The following TNKS variants were observed in gnomAD, a reference collection of about 807,000 sequenced individuals.
The protein encoded by TNKS is poly [ADP-ribose] polymerase tankyrase-1.
TNKS carries 72 observed loss-of-function variants against 135.8 expected under a neutral mutation model. The ratio of observed to expected loss-of-function variants is 0.53; its 90% CI spans 0.44 to 0.64. The LOEUF is 0.64. TNKS is among the 30% of genes least tolerant of loss of function. The pLI, the probability that TNKS is intolerant of heterozygous loss-of-function variation, is 0.00. For synonymous variants in TNKS, 849 were observed against 649.3 expected (o/e 1.31, Z -4.68); for missense variants, 1,769 against 1,674.0 (o/e 1.06, Z -0.99).
chr8:9,651,490 A>G (rs1482322726), intron 3 of TNKS, among the ~76,000 whole-genome samples: 1 of 152,152 alleles, frequency 6.6e-6, no homozygotes, highest in Non-Finnish European at 1.5e-5. Context: ...CTTTGAGAGA[A>G]TTTAGAGGAG....
chr8:9,629,805 C>T (rs1800215005), intron 3 of TNKS, among the ~76,000 whole-genome samples: 1 of 152,218 alleles, frequency 6.6e-6, no homozygotes, highest in South Asian at 2.1e-4. Flanking sequence ...GCCTCAGCCT[C>T]CTGAGTAGCT....
intron 6 of TNKS, among the ~76,000 whole-genome samples, chr8:9,705,485 A>T (rs899407875): frequency 2.0e-5 from 3 of 152,184 alleles, no homozygotes; most frequent in Admixed American, 2.0e-4. Flanking sequence ...AGTTTCTTTC[A>T]CTTTGTCCCT....
At chr8:9,692,769 C>G (rs1310050272) in intron 5 of TNKS, among the ~76,000 whole-genome samples, 7 of 152,148 alleles carry the variant, frequency 4.6e-5, no homozygotes, top group Non-Finnish European at 8.8e-5. Context: ...CAAGGTTTCT[C>G]TTTTAAATTA....
intron 2 of TNKS, among the ~76,000 whole-genome samples, chr8:9,583,829 TA>T (rs1037854388): frequency 3.9e-5 from 6 of 151,946 alleles, no homozygotes; most frequent in African/African-American, 9.7e-5. Flanking sequence ...AATTTCATTT[TA>T]AAAGCAAATT....
intron 17 of TNKS, among the ~76,000 whole-genome samples, chr8:9,736,426 G>C (rs987907651): frequency 1.3e-5 from 2 of 151,774 alleles, no homozygotes; most frequent in African/African-American, 4.8e-5. Context: ...GGAATTACTA[G>C]CTAAAACCTC....
chr8:9,590,115 G>A (rs1254217986), intron 2 of TNKS, among the ~76,000 whole-genome samples: 2 of 152,206 alleles, frequency 1.3e-5, no homozygotes. Context: ...CAGTATGTGC[G>A]TGTTTAAAAA....
chr8:9,602,058 A>G (rs1197087972), intron 2 of TNKS, among the ~76,000 whole-genome samples: 2 of 152,028 alleles, frequency 1.3e-5, no homozygotes, highest in African/African-American at 2.4e-5. Context: ...ATCTGGGGAC[A>G]TGTTTGGTTA....
At chr8:9,698,323 T>C (rs936136580) in intron 5 of TNKS, among the ~76,000 whole-genome samples, 4 of 134,460 alleles carry the variant, frequency 3.0e-5, no homozygotes, top group Non-Finnish European at 4.6e-5. Flanking sequence ...AGTATACCCA[T>C]GTAACAAACC....
chr8:9,589,360 T>C (rs1798503174), intron 2 of TNKS, among the ~76,000 whole-genome samples: 1 of 152,234 alleles, frequency 6.6e-6, no homozygotes, highest in African/African-American at 2.4e-5. Flanking sequence ...CAGATAAATA[T>C]TTGAAGTTAT....
intron 5 of TNKS, among the ~76,000 whole-genome samples, chr8:9,696,837 G>A (rs1803535785): frequency 6.6e-6 from 1 of 152,248 alleles, no homozygotes; most frequent in South Asian, 2.1e-4. Context: ...CCATGCTCAT[G>A]GATTGGAAGA....
At chr8:9,606,844 G>C (rs1799240196) in intron 2 of TNKS, among the ~76,000 whole-genome samples, 4 of 152,128 alleles carry the variant, frequency 2.6e-5, no homozygotes, top group Admixed American at 1.3e-4. Flanking sequence ...TCACCTTATT[G>C]CTGGTTTAAA....
rs34311181 is a variant in TNKS, at chr8:9,698,374, G to GAAAAAAA, written c.1108-6278_1108-6272dup. Among the ~76,000 whole-genome samples, 172 of 98,762 alleles carry GAAAAAAA rather than the reference G, an allele frequency of 1.7e-3. 7 individuals are homozygous for GAAAAAAA. Among genetic ancestry groups the GAAAAAAA allele is most frequent in the African/African-American group, 5.8e-3 (145 of 25,180 alleles). 64.8% of individuals were successfully genotyped at this position (98,762 alleles called of 152,430 possible). A position where few individuals can be genotyped will look rare whatever the true frequency, so the allele number is the denominator to read the frequency against. On this transcript the variant is annotated intron_variant, in intron 5 of 26. Coordinates refer to ENST00000310430, the MANE Select transcript of TNKS (RefSeq NM_003747.3). The stretch of plus-strand genomic sequence containing the variant: ...GTATCTAAAAGTTAAATTTTAAAAT[G>GAAAAAAA]AAAAAAAAAAAAAAAAAGCTTAAGT...
At chr8:9,651,678 A>T (rs1310875746) in intron 3 of TNKS, among the ~76,000 whole-genome samples, 1 of 152,222 alleles carries the variant, frequency 6.6e-6, no homozygotes, top group East Asian at 1.9e-4. Context: ...GTCATTAGTC[A>T]GAAAGCAAGT....
rs1240419259 is a variant in TNKS at position 9,748,160 on chromosome 8, C to G, written c.2780C>G (p.Ala927Gly). 6.2e-7 allele frequency: 1 copy of G among 1,603,304 alleles called. No homozygotes were observed. Among genetic ancestry groups the G allele is most frequent in the East Asian group, 2.3e-5 (1 of 44,414 alleles). Reference protein sequence around the residue: ...QLCALLLAHGADPTMKNQEGQ... With the variant: ...QLCALLLAHGGDPTMKNQEGQ... ...TGCGCCCTCCTCCTAGCGCATGGTGCAGACCCCACCATGAAGAACCAGGAA... is the reference window on the plus strand; with the variant it reads ...TGCGCCCTCCTCCTAGCGCATGGTGGAGACCCCACCATGAAGAACCAGGAA... Residue 927 changes from alanine (A) to glycine (G), a missense_variant, in exon 18 of 27, where the codon GCA becomes GGA. By Grantham distance (60) the Ala-to-Gly change is moderately conservative. Transcript: ENST00000310430.
At chr8:9,759,369 A>C (rs552709904) in intron 20 of TNKS, among the ~76,000 whole-genome samples, 4 of 152,292 alleles carry the variant, frequency 2.6e-5, no homozygotes, top group African/African-American at 9.6e-5. Context: ...GTGAGTTCAT[A>C]AGTCTGTCTC....
chr8:9,701,851 G>A (rs1372871923), intron 5 of TNKS, among the ~76,000 whole-genome samples: 1 of 152,174 alleles, frequency 6.6e-6, no homozygotes, highest in African/African-American at 2.4e-5. Context: ...GATACACACA[G>A]GGGCCCCTTA....
intron 3 of TNKS, among the ~76,000 whole-genome samples, chr8:9,648,670 C>A (rs545029006): frequency 6.6e-6 from 1 of 152,286 alleles, no homozygotes; most frequent in African/African-American, 2.4e-5. Context: ...AATGCTCCCA[C>A]TGTGACATTA....
intron 2 of TNKS, among the ~76,000 whole-genome samples, chr8:9,587,237 T>C (rs1046191221): frequency 2.0e-5 from 3 of 151,922 alleles, no homozygotes; most frequent in Non-Finnish European, 2.9e-5. Context: ...AGTCAGATGA[T>C]ATAATTTCAG....
chr8:9,593,572 C>A (rs1585207477), intron 2 of TNKS, among the ~76,000 whole-genome samples: 1 of 152,044 alleles, frequency 6.6e-6, no homozygotes, highest in Non-Finnish European at 1.5e-5. Context: ...CCCCCCAAAC[C>A]AAAAAACTAA....
Sources: allele counts gnomAD v4.1 joint callset (sites outside exome capture counted in the v4.1 genomes callset), GRCh38; gene constraint gnomAD v4.1.1; transcripts MANE v1.5; gene names NCBI Gene and HGNC (gene_info 2026-07-23, HGNC 2026-07-21).